The following TTLL11 variants were observed in gnomAD, a reference collection of about 807,000 sequenced individuals.
The protein encoded by TTLL11 is tubulin tyrosine ligase like 11, also known as tubulin polyglutamylase TTLL11.
In TTLL11, 42 loss-of-function variants were observed where a neutral mutation model predicts 51.7. That is an observed-to-expected ratio of 0.81 (90% confidence interval 0.64 to 1.05). TTLL11 has a LOEUF of 1.05. TTLL11 is among the 50% of genes least tolerant of loss of function. TTLL11 has a pLI of 0.00. For missense variants in TTLL11, 799 were observed against 940.4 expected (o/e 0.85, Z 1.97); for synonymous variants, 381 against 383.5 (o/e 0.99, Z 0.08).
intron 6 of TTLL11, among the ~76,000 whole-genome samples, chr9:121,882,532 C>T (rs1838838092): frequency 6.6e-6 from 1 of 152,216 alleles, no homozygotes. Context: ...TGCACCCATG[C>T]ACTCTCTGTG....
intron 8 of TTLL11, among the ~76,000 whole-genome samples, chr9:121,830,637 C>G (rs574294764): frequency 6.6e-6 from 1 of 152,218 alleles, no homozygotes; most frequent in Non-Finnish European, 1.5e-5. Context: ...TCCAACTGCA[C>G]ATTAAGTCCT....
intron 3 of TTLL11, among the ~76,000 whole-genome samples, chr9:122,023,269 A>G (rs948000304): frequency 2.0e-5 from 3 of 152,008 alleles, no homozygotes; most frequent in African/African-American, 7.2e-5. Flanking sequence ...GATAATATGA[A>G]CAGCCTATAT....
intron 6 of TTLL11, among the ~76,000 whole-genome samples, chr9:121,924,367 C>T (rs922335501): frequency 1.3e-5 from 2 of 152,240 alleles, no homozygotes; most frequent in African/African-American, 4.8e-5. Context: ...GATCCCTTAA[C>T]AGCAGGGGAG....
intron 6 of TTLL11, among the ~76,000 whole-genome samples, chr9:121,895,095 A>G (rs1839404662): frequency 6.6e-6 from 1 of 152,220 alleles, no homozygotes; most frequent in Non-Finnish European, 1.5e-5. Flanking sequence ...AGGGGACTAA[A>G]TAAAGATATA....
At chr9:121,970,298 T>C (rs1018300654) in intron 6 of TTLL11, among the ~76,000 whole-genome samples, 1 of 152,228 alleles carries the variant, frequency 6.6e-6, no homozygotes, top group Non-Finnish European at 1.5e-5. Flanking sequence ...GCAGCTCATA[T>C]AGATGACATA....
In TTLL11 at chr9:121,821,599, G is replaced by A. The variant is rs528805161; in HGVS notation, c.*988C>T. ...CTGCTGCCTGTGAGGCGTTTCCTCC[G>A]AGAGGGGGGCTACCTGGGGATACAG... is the stretch of plus-strand genomic sequence containing the variant. On this transcript the variant is annotated 3_prime_UTR_variant, in exon 9 of 9. Coordinates refer to ENST00000321582, the MANE Select transcript of TTLL11 (RefSeq NM_001139442.2). The surrounding 1 kb of genome is among the most constrained non-coding windows in gnomAD (Gnocchi z 5.0). Among the ~76,000 whole-genome samples, 18 of 152,228 alleles carry A rather than the reference G, an allele frequency of 1.2e-4. No homozygotes were observed. The highest frequency in any genetic ancestry group is 7.8e-4 in the Admixed American group (12 of 15,296).
chr9:121,973,229 C>T lies in TTLL11; in HGVS notation c.1481+780G>A, dbSNP rs112272887. ...TAATGTACCACTGAGTGGGTGGGGA[C>T]GAAGCAGAATTACAAGTGTTGTAAA... is the stretch of plus-strand genomic sequence containing the variant. On this transcript the variant is annotated intron_variant, in intron 6 of 8. Transcript: ENST00000321582. Among the ~76,000 whole-genome samples, 27 of 152,228 alleles carry T rather than the reference C, an allele frequency of 1.8e-4. No homozygotes were observed. In the East Asian group the frequency reaches 2.3e-3, roughly 13 times the overall value.
At chr9:122,007,596 ATAAAG>A (rs913733993) in intron 3 of TTLL11, among the ~76,000 whole-genome samples, 1 of 152,220 alleles carries the variant, frequency 6.6e-6, no homozygotes, top group Non-Finnish European at 1.5e-5. Context: ...AACCCACAGA[ATAAAG>A]TAAGAATCCA....
chr9:121,965,481 G>C (rs1842372679), intron 6 of TTLL11, among the ~76,000 whole-genome samples: 1 of 152,160 alleles, frequency 6.6e-6, no homozygotes, highest in Non-Finnish European at 1.5e-5. Context: ...CAGCATGGGG[G>C]AAACTGCCCC....
At chr9:121,991,553 G>C (rs12378199) in intron 3 of TTLL11, among the ~76,000 whole-genome samples, 51,583 of 152,112 alleles carry the variant, frequency 0.34, 9,319 homozygotes, top group African/African-American at 0.43. Flanking sequence ...AGTGAAAAAT[G>C]TCAAGTTTGC....
chr9:121,863,403 C>A (rs929285069), intron 7 of TTLL11, among the ~76,000 whole-genome samples: 1 of 152,236 alleles, frequency 6.6e-6, no homozygotes, highest in Non-Finnish European at 1.5e-5. Flanking sequence ...AGGAGCGCTG[C>A]CTAGCTTGCT....
chr9:121,995,309 G>A lies in TTLL11; in HGVS notation c.694-5539C>T, dbSNP rs373089430. On this transcript the variant is annotated intron_variant, in intron 3 of 8. Coordinates refer to ENST00000321582, the MANE Select transcript of TTLL11 (RefSeq NM_001139442.2). This position sits in a 1 kb window ranked among gnomAD's most constrained non-coding sequence, Gnocchi z 4.4. ...AAGGATGGAGTTTCAACTGGCGAGG[G>A]ACATGCATCCACGCATCACCAGGGC... Among the ~76,000 whole-genome samples, 45 of 152,296 alleles carry A rather than the reference G, an allele frequency of 3.0e-4. No individual in the cohort carries two copies. Among genetic ancestry groups the A allele is most frequent in the African/African-American group, 1.0e-3 (43 of 41,556 alleles).
intron 4 of TTLL11, among the ~76,000 whole-genome samples, chr9:121,978,999 A>C (rs1305876238): frequency 2.0e-5 from 3 of 150,934 alleles, no homozygotes; most frequent in African/African-American, 7.3e-5. Flanking sequence ...GTGTGACCTC[A>C]CCTAGTAACT....
At chr9:121,975,079 C>G (rs775575439) in intron 4 of TTLL11, 100 bp from the exon 5 acceptor site, 49 of 882,106 alleles carry the variant, frequency 5.6e-5, no homozygotes, top group Admixed American at 3.5e-4. Context: ...CCAACCTTGG[C>G]CTTGACCCTG....
At chr9:122,009,672 T>C (rs1843745085) in intron 3 of TTLL11, among the ~76,000 whole-genome samples, 1 of 151,454 alleles carries the variant, frequency 6.6e-6, no homozygotes, top group Non-Finnish European at 1.5e-5. Context: ...AGAATGAATG[T>C]TGTATATATA....
At chr9:122,085,787 G>A (rs1278363027) in intron 1 of TTLL11, among the ~76,000 whole-genome samples, 2 of 152,168 alleles carry the variant, frequency 1.3e-5, no homozygotes, top group African/African-American at 2.4e-5. Context: ...CTGTGAGATA[G>A]ATAGCACTAG....
At chr9:121,940,708 A>G (rs938255723) in intron 6 of TTLL11, among the ~76,000 whole-genome samples, 1 of 152,134 alleles carries the variant, frequency 6.6e-6, no homozygotes, top group South Asian at 2.1e-4. Context: ...AGGAGAGGTA[A>G]AACACCATTT....
chr9:121,961,443 G>A (rs571868030), intron 6 of TTLL11, among the ~76,000 whole-genome samples: 11 of 151,940 alleles, frequency 7.2e-5, no homozygotes, highest in Non-Finnish European at 1.3e-4. Context: ...AGTACGGAGA[G>A]TGGGAATCTC....
intron 8 of TTLL11, among the ~76,000 whole-genome samples, chr9:121,823,358 C>T (rs1449842787): frequency 1.3e-5 from 2 of 152,118 alleles, no homozygotes; most frequent in African/African-American, 2.4e-5. Flanking sequence ...CCAGCCTGGC[C>T]AACATGGAGA....
Sources: gnomAD v4.1 joint callset for allele counts (sites outside exome capture counted in the v4.1 genomes callset) on GRCh38, gnomAD v4.1.1 for gene constraint, Gnocchi (gnomAD v3.1) non-coding constraint, MANE v1.5 for transcripts, NCBI Gene and HGNC (gene_info 2026-07-23, HGNC 2026-07-21) for gene names.